PCDH11X: variants seen among roughly 807,000 people sequenced by gnomAD.
PCDH11X encodes the protein protocadherin-11 X-linked.
Under a neutral mutation model 53.3 loss-of-function variants are expected in PCDH11X, and 18 were observed. The observed-to-expected ratio is 0.34, with a 90% CI of 0.23 to 0.50. The LOEUF is 0.50. Ranked by LOEUF, PCDH11X falls within the 20% of genes least tolerant of loss-of-function variation. The probability of loss-of-function intolerance (pLI) is 0.98; values close to 1 mark genes in which losing one functional copy is unlikely to be tolerated. For synonymous variants in PCDH11X, 279 were observed against 393.3 expected (o/e 0.71, Z 3.44); for missense variants, 570 against 1,032.4 (o/e 0.55, Z 6.14).
At chrX:92,138,216 A>C (rs1054740537) in intron 6 of PCDH11X, among the ~76,000 whole-genome samples, 1 of 110,353 alleles carries the variant, frequency 9.1e-6, no homozygotes, top group African/African-American at 3.3e-5. Context: ...ATAGTATTCC[A>C]TGGTGGATAT....
At chrX:92,154,820 C>G (rs5942126) in intron 6 of PCDH11X, among the ~76,000 whole-genome samples, 35,075 of 91,343 alleles carry the variant, frequency 0.38, 6,430 homozygotes, top group Non-Finnish European at 0.49. Flanking sequence ...CCTTCTGGCT[C>G]CCCCATCTGC....
At chrX:92,480,617 C>T (rs1043069263) in intron 10 of PCDH11X, among the ~76,000 whole-genome samples, 3 of 110,023 alleles carry the variant, frequency 2.7e-5, no homozygotes, top group Admixed American at 9.7e-5. Context: ...TTTGGGGGGC[C>T]AAGTCTCTGC....
At chrX:91,887,954 A>G (rs1253396951) in intron 6 of PCDH11X, among the ~76,000 whole-genome samples, 3 of 111,810 alleles carry the variant, frequency 2.7e-5, no homozygotes, top group Non-Finnish European at 1.9e-5. Context: ...ACTTTAAAAA[A>G]ATACCATCTA....
intron 8 of PCDH11X, among the ~76,000 whole-genome samples, chrX:92,368,617 C>A (rs2070533623): frequency 9.0e-6 from 1 of 111,717 alleles, no homozygotes; most frequent in Admixed American, 9.5e-5. Context: ...GCTGGTTTTT[C>A]CTCACCTTCA....
intron 6 of PCDH11X, among the ~76,000 whole-genome samples, chrX:91,902,716 T>C (rs1941000820): frequency 9.2e-6 from 1 of 109,267 alleles, no homozygotes; most frequent in African/African-American, 3.3e-5. Context: ...CTAAATTGGA[T>C]TGATTCCCTT....
chrX:92,465,214 T>G (rs1373543230), intron 9 of PCDH11X, among the ~76,000 whole-genome samples: 1 of 111,887 alleles, frequency 8.9e-6, no homozygotes, highest in Non-Finnish European at 1.9e-5. Context: ...GAATCTTGAC[T>G]GATCAGATTT....
At chrX:92,067,182 A>G (rs3908421) in intron 6 of PCDH11X, among the ~76,000 whole-genome samples, 31,447 of 109,546 alleles carry the variant, frequency 0.29, 5,319 homozygotes, top group African/African-American at 0.61. Context: ...GCTCTAGCTA[A>G]CACTTCTCAT....
intron 10 of PCDH11X, among the ~76,000 whole-genome samples, chrX:92,577,666 A>G (rs935884603): frequency 9.0e-6 from 1 of 110,845 alleles, no homozygotes; most frequent in African/African-American, 3.3e-5. Flanking sequence ...TTTCTAGTCA[A>G]TGTGGGCATT....
At chrX:91,860,612 C>T (rs1472815980) in intron 5 of PCDH11X, among the ~76,000 whole-genome samples, 1 of 111,495 alleles carries the variant, frequency 9.0e-6, no homozygotes, top group Non-Finnish European at 1.9e-5. Context: ...TCATAAATGG[C>T]TCTTATTATT....
intron 9 of PCDH11X, among the ~76,000 whole-genome samples, chrX:92,405,964 G>A (rs746795198): frequency 2.6e-3 from 286 of 108,381 alleles, no homozygotes; most frequent in Middle Eastern, 0.019. Context: ...GCGTGGTGGC[G>A]GGCGCCTGTA....
chrX:92,222,046 C>G (rs779928656), intron 7 of PCDH11X, among the ~76,000 whole-genome samples: 2 of 111,107 alleles, frequency 1.8e-5, no homozygotes, highest in South Asian at 7.6e-4. Context: ...GTTGGTCAGG[C>G]TGGTCTTGAA....
chrX:92,546,073 T>G (rs1444623253), intron 10 of PCDH11X, among the ~76,000 whole-genome samples: 1 of 106,206 alleles, frequency 9.4e-6, no homozygotes, highest in African/African-American at 3.3e-5. Context: ...GAGCTGATTT[T>G]TACACAACAG....
At chrX:91,960,386 A>G (rs770150481) in intron 6 of PCDH11X, among the ~76,000 whole-genome samples, 1 of 110,435 alleles carries the variant, frequency 9.1e-6, no homozygotes, top group Non-Finnish European at 1.9e-5. Flanking sequence ...TTCTTCTAGG[A>G]GTTTTTGGTG....
chrX:91,910,363 A>G (rs1941330982), intron 6 of PCDH11X, among the ~76,000 whole-genome samples: 2 of 109,122 alleles, frequency 1.8e-5, no homozygotes, highest in Admixed American at 2.0e-4. Flanking sequence ...AAAATATCTT[A>G]CTATTTGAAC....
intron 4 of PCDH11X, among the ~76,000 whole-genome samples, chrX:91,822,089 AG>A (rs1289357409): frequency 1.8e-5 from 2 of 109,516 alleles, no homozygotes; most frequent in African/African-American, 6.9e-5. Context: ...TATTTTATTG[AG>A]GATTTTTGCA....
At chrX:92,235,466 C>T (rs899320938) in intron 7 of PCDH11X, among the ~76,000 whole-genome samples, 4 of 111,144 alleles carry the variant, frequency 3.6e-5, no homozygotes, top group Admixed American at 2.9e-4. Context: ...AAAATAAACT[C>T]GAAAGCCCAC....
intron 8 of PCDH11X, among the ~76,000 whole-genome samples, chrX:92,266,718 G>A (rs1404522084): frequency 2.8e-5 from 3 of 108,919 alleles, no homozygotes; most frequent in Non-Finnish European, 5.7e-5. Flanking sequence ...ACTTGTAATT[G>A]AATAGTGTAA....
intron 5 of PCDH11X, among the ~76,000 whole-genome samples, chrX:91,874,239 G>T (rs1180015842): frequency 2.7e-5 from 3 of 111,210 alleles, no homozygotes; most frequent in Non-Finnish European, 3.8e-5. Flanking sequence ...AATTTGTTTA[G>T]ATCAAATTAT....
At chrX:92,292,119 T>C (rs1188513590) in intron 8 of PCDH11X, among the ~76,000 whole-genome samples, 1 of 111,602 alleles carries the variant, frequency 9.0e-6, no homozygotes, top group Non-Finnish European at 1.9e-5. Flanking sequence ...ATAAAATATA[T>C]AGTTAATCTT....
Sources: gnomAD v4.1 joint callset for allele counts (sites outside exome capture counted in the v4.1 genomes callset) on GRCh38, gnomAD v4.1.1 for gene constraint, MANE v1.5 for transcripts, NCBI Gene and HGNC (gene_info 2026-07-23, HGNC 2026-07-21) for gene names.